Variants in TMPRSS11E observed in about 807,000 individuals in gnomAD.
TMPRSS11E encodes the protein transmembrane serine protease 11E, also known as transmembrane protease serine 11E.
TMPRSS11E carries 38 observed loss-of-function variants against 48.1 expected under a neutral mutation model. That is an observed-to-expected ratio of 0.79 (90% CI 0.61 to 1.04). The LOEUF is 1.04. TMPRSS11E is among the 50% of genes least tolerant of loss of function. The pLI, the probability that TMPRSS11E is intolerant of heterozygous loss-of-function variation, is 0.00. For synonymous variants in TMPRSS11E, 158 were observed against 171.9 expected (o/e 0.92, Z 0.63); for missense variants, 530 against 510.8 (o/e 1.04, Z -0.36).
intron 9 of TMPRSS11E, among the ~76,000 whole-genome samples, chr4:68,487,356 G>A (rs950762640): frequency 1.3e-5 from 2 of 151,872 alleles, no homozygotes; most frequent in African/African-American, 2.4e-5. Context: ...GGGTTCAAGC[G>A]ATTCTTCTGC....
At chr4:68,462,174 T>C (rs1185390760) in intron 2 of TMPRSS11E, among the ~76,000 whole-genome samples, 1 of 152,198 alleles carries the variant, frequency 6.6e-6, no homozygotes, top group Non-Finnish European at 1.5e-5. Flanking sequence ...GCATGCTTAT[T>C]TGCATCTTCC....
Position 68,461,874 on chromosome 4 carries a change from G to T in TMPRSS11E, c.65G>T (p.Gly22Val). Residue 22 changes from glycine to valine, a missense_variant, in exon 2 of 10, where the codon GGC (glycine) becomes GTC (valine). Gly to Val is a moderately radical substitution (Grantham distance 109). Coordinates refer to ENST00000305363, the MANE Select transcript of TMPRSS11E (RefSeq NM_014058.4). ...KRVCWEPWVI[G>V]LVIFISLIVL... ...GTTTGTTGGGAACCCTGGGTTATCG[G>T]CCTCGTCATCTTCATATCCCTGATT... 2 of 1,614,178 alleles carry T rather than the reference G, an allele frequency of 1.2e-6. No individual in the cohort carries two copies. Among genetic ancestry groups the T allele is most frequent in the Non-Finnish European group, 1.7e-6 (2 of 1,180,018 alleles).
chr4:68,465,420 G>A (rs1728901804), intron 2 of TMPRSS11E, among the ~76,000 whole-genome samples: 1 of 152,110 alleles, frequency 6.6e-6, no homozygotes, highest in Non-Finnish European at 1.5e-5. Context: ...CAAAAGATTT[G>A]TCCTCTAGCT....
chr4:68,489,036 G>A, intron 9 of TMPRSS11E, among the ~76,000 whole-genome samples: 1 of 152,142 alleles, frequency 6.6e-6, no homozygotes, highest in Non-Finnish European at 1.5e-5. Flanking sequence ...TCATTTGGAG[G>A]TAAGAAGACA....
At position 68,460,535 on chromosome 4, in the gene TMPRSS11E, T is replaced by A. The variant is rs146092511; in HGVS notation, c.12-1286T>A. Among the ~76,000 whole-genome samples, 13 of 152,294 alleles carry A rather than the reference T, an allele frequency of 8.5e-5. No individual in the cohort carries two copies. In the East Asian group the frequency reaches 2.5e-3, roughly 29 times the overall value. Reference sequence around the variant, plus strand: ...GCTGCACTTAGAATTCTCCTTATTCTGATTCAACACCCAGTACTCCTCCAG... The same window carrying A: ...GCTGCACTTAGAATTCTCCTTATTCAGATTCAACACCCAGTACTCCTCCAG... On this transcript the variant is annotated intron_variant, in intron 1 of 9. Transcript: ENST00000305363.
At position 68,477,454 on chromosome 4, in the gene TMPRSS11E, G is replaced by T; in HGVS notation, c.793G>T (p.Val265Phe). 6.2e-7 allele frequency: 1 copy of T among 1,613,980 alleles called. No homozygotes were observed. Among genetic ancestry groups the T allele is most frequent in the Non-Finnish European group, 8.5e-7 (1 of 1,179,960 alleles). The change falls in exon 8 of 10, where the codon GTC becomes TTC. Residue 265 changes from valine to phenylalanine, a missense_variant. Transcript: ENST00000305363. The stretch of plus-strand genomic sequence containing the variant: ...GAAACGGGGTCTCCGGAGAATAATT[G>T]TCCATGAAAAATACAAACACCCATC... ...KMKRGLRRII[V>F]HEKYKHPSHD...
intron 4 of TMPRSS11E, among the ~76,000 whole-genome samples, chr4:68,470,113 G>A (rs1729022820): frequency 6.6e-6 from 1 of 151,804 alleles, no homozygotes; most frequent in Admixed American, 6.6e-5. Context: ...AAAAATGAGG[G>A]TGACTCAGTA....
intron 9 of TMPRSS11E, among the ~76,000 whole-genome samples, chr4:68,486,807 T>G (rs1361981855): frequency 3.3e-5 from 5 of 152,256 alleles, no homozygotes; most frequent in Non-Finnish European, 7.3e-5. Context: ...GTCTGGATGC[T>G]CCAGTGTTGG....
intron 9 of TMPRSS11E, among the ~76,000 whole-genome samples, chr4:68,487,645 T>A (rs542745586): frequency 1.3e-5 from 2 of 152,230 alleles, no homozygotes; most frequent in Admixed American, 6.5e-5. Context: ...CATTTGCTTG[T>A]CTGAAAAAGA....
rs375573375 is a variant in TMPRSS11E at position 68,477,640 on chromosome 4, A to G, written c.967+12A>G. On this transcript the variant is annotated intron_variant, in intron 8 of 9. Transcript: ENST00000305363. ...ACTGAAAAATGATGGTGAGCATCGG[A>G]AGAGGAACTCAAGTAAAAGTTAAAT... 6.4e-5 allele frequency: 103 copies of G among 1,609,004 alleles called. No homozygotes were observed. Among genetic ancestry groups the G allele is most frequent in the Non-Finnish European group, 8.2e-5 (97 of 1,177,404 alleles).
intron 9 of TMPRSS11E, among the ~76,000 whole-genome samples, chr4:68,493,758 G>C (rs1729794869): frequency 6.6e-6 from 1 of 152,066 alleles, no homozygotes; most frequent in Admixed American, 6.6e-5. Context: ...AAGGTGCTGG[G>C]ATTACAGGTG....
intron 9 of TMPRSS11E, 93 bp downstream of exon 9, chr4:68,479,084 C>T: frequency 1.4e-6 from 2 of 1,447,374 alleles, no homozygotes; most frequent in Non-Finnish European, 1.9e-6. Flanking sequence ...AAAGATAGTA[C>T]AGAGGAGTCA....
chr4:68,485,106 T>C (rs145572292), intron 9 of TMPRSS11E, among the ~76,000 whole-genome samples: 103 of 152,280 alleles, frequency 6.8e-4, no homozygotes, highest in African/African-American at 2.3e-3. Flanking sequence ...TTTTATTATT[T>C]TGAAGTATGT....
chr4:68,448,670 T>A (rs1728410269), intron 1 of TMPRSS11E, among the ~76,000 whole-genome samples: 1 of 151,744 alleles, frequency 6.6e-6, no homozygotes, highest in South Asian at 2.1e-4. Flanking sequence ...CTGAGTGTAG[T>A]CTCTAATTTG....
At chr4:68,481,526 T>C (rs1434542513) in intron 9 of TMPRSS11E, among the ~76,000 whole-genome samples, 1 of 152,210 alleles carries the variant, frequency 6.6e-6, no homozygotes, top group Non-Finnish European at 1.5e-5. Flanking sequence ...TATCTTATTA[T>C]GGTTTTTAAT....
chr4:68,449,089 C>T (rs1728423812), intron 1 of TMPRSS11E, among the ~76,000 whole-genome samples: 1 of 151,432 alleles, frequency 6.6e-6, no homozygotes, highest in Non-Finnish European at 1.5e-5. Flanking sequence ...TTCGGATAGC[C>T]TTCTCCCTGA....
In TMPRSS11E at chr4:68,478,913, A is replaced by G. The variant is rs898915294; in HGVS notation, c.1032A>G (p.Glu344=). The part of the protein sequence containing the change: ...VTLIDATTCN[E]PQAYNDAITP... ...TCATAGACGCTACAACTTGCAATGA[A>G]CCTCAAGCTTACAATGACGCCATAA... The change falls in exon 9 of 10, where the codon GAA becomes GAG. Residue 344 remains glutamate (E), a synonymous_variant. Coordinates refer to ENST00000305363, the MANE Select transcript of TMPRSS11E (RefSeq NM_014058.4). 4 of 1,613,962 alleles carry G rather than the reference A, an allele frequency of 2.5e-6. No individual in the cohort carries two copies. Among genetic ancestry groups the G allele is most frequent in the Non-Finnish European group, 2.5e-6 (3 of 1,179,998 alleles).
intron 4 of TMPRSS11E, among the ~76,000 whole-genome samples, chr4:68,469,541 A>G (rs967548465): frequency 6.6e-6 from 1 of 152,036 alleles, no homozygotes; most frequent in East Asian, 1.9e-4. Flanking sequence ...ACAAAACTTT[A>G]AAAGTTTCCT....
At chr4:68,486,302 C>T (rs1335556490) in intron 9 of TMPRSS11E, among the ~76,000 whole-genome samples, 1 of 152,150 alleles carries the variant, frequency 6.6e-6, no homozygotes, top group Non-Finnish European at 1.5e-5. Flanking sequence ...CCTGTTAATA[C>T]TGCTTTACCT....
Sources: allele counts gnomAD v4.1 joint callset (sites outside exome capture counted in the v4.1 genomes callset), GRCh38; gene constraint gnomAD v4.1.1; transcripts MANE v1.5; gene names NCBI Gene and HGNC (gene_info 2026-07-23, HGNC 2026-07-21).